Variants in SGCZ observed in about 807,000 individuals in gnomAD.
SGCZ encodes the protein sarcoglycan zeta, also known as zeta-sarcoglycan.
Under a neutral mutation model 41.3 loss-of-function variants are expected in SGCZ, and 40 were observed. The ratio of observed to expected loss-of-function variants is 0.97; its 90% CI spans 0.75 to 1.26. SGCZ has a LOEUF of 1.26. Ranked by LOEUF, SGCZ falls within the 50% of genes most tolerant of loss-of-function variation. The probability of loss-of-function intolerance (pLI) is 0.00; values close to 1 mark genes in which losing one functional copy is unlikely to be tolerated. For missense variants in SGCZ, 552 were observed against 369.8 expected, an observed-to-expected ratio of 1.49 and a Z score of -4.04; for synonymous variants, 206 against 137.5, an observed-to-expected ratio of 1.50 and a Z score of -3.49.
At chr8:14,794,806 C>A (rs1374189982) in intron 1 of SGCZ, among the ~76,000 whole-genome samples, 1 of 152,090 alleles carries the variant, frequency 6.6e-6, no homozygotes, top group Non-Finnish European at 1.5e-5. Flanking sequence ...TGATCATATT[C>A]AAAGAGTCAG....
intron 4 of SGCZ, among the ~76,000 whole-genome samples, chr8:14,236,959 A>G (rs1563203292): frequency 6.6e-6 from 1 of 152,008 alleles, no homozygotes; most frequent in Non-Finnish European, 1.5e-5. Context: ...TATAAATCTT[A>G]AAATATAATT....
intron 4 of SGCZ, among the ~76,000 whole-genome samples, chr8:14,231,920 G>C (rs1806584967): frequency 6.6e-6 from 1 of 151,934 alleles, no homozygotes; most frequent in African/African-American, 2.4e-5. Flanking sequence ...GTAAGATAGA[G>C]ATGCCTTCTT....
intron 2 of SGCZ, among the ~76,000 whole-genome samples, chr8:14,461,274 C>A (rs959910742): frequency 1.3e-5 from 2 of 152,132 alleles, no homozygotes; most frequent in Admixed American, 6.6e-5. Context: ...TCCTCTTCAA[C>A]TGAAATGGCT....
At chr8:14,548,195 A>T (rs1176675142) in intron 2 of SGCZ, among the ~76,000 whole-genome samples, 2 of 152,172 alleles carry the variant, frequency 1.3e-5, no homozygotes, top group African/African-American at 2.4e-5. Context: ...GCACGAGGTA[A>T]TAGAGCTAAT....
chr8:14,529,941 T>A (rs952702659), intron 2 of SGCZ, among the ~76,000 whole-genome samples: 1 of 152,242 alleles, frequency 6.6e-6, no homozygotes, highest in South Asian at 2.1e-4. Flanking sequence ...GGCATTGCAA[T>A]TAAAGAAAAA....
chr8:14,146,978 G>C (rs1803546839), intron 5 of SGCZ, among the ~76,000 whole-genome samples: 1 of 150,784 alleles, frequency 6.6e-6, no homozygotes, highest in Non-Finnish European at 1.5e-5. Context: ...CAAAAATTTA[G>C]TAAGGAGAAA....
intron 1 of SGCZ, among the ~76,000 whole-genome samples, chr8:14,924,578 T>C (rs1010923927): frequency 4.6e-5 from 7 of 152,156 alleles, no homozygotes; most frequent in African/African-American, 1.4e-4. Context: ...CAGAAGCTTA[T>C]CCACATATTT....
At chr8:14,603,064 G>A (rs73517293) in intron 1 of SGCZ, among the ~76,000 whole-genome samples, 1 of 152,126 alleles carries the variant, frequency 6.6e-6, no homozygotes, top group African/African-American at 2.4e-5. Context: ...TCTAGTAGGG[G>A]ACTTGACATA....
chr8:14,523,118 G>A (rs1210874254), intron 2 of SGCZ, among the ~76,000 whole-genome samples: 2 of 151,780 alleles, frequency 1.3e-5, no homozygotes, highest in African/African-American at 4.8e-5. Context: ...TAATGAAATT[G>A]TCTTAAATAT....
intron 1 of SGCZ, among the ~76,000 whole-genome samples, chr8:14,998,410 C>A (rs1220647293): frequency 6.6e-6 from 1 of 152,164 alleles, no homozygotes; most frequent in East Asian, 1.9e-4. Flanking sequence ...TTTATATATA[C>A]ATTTGTTACA....
chr8:14,417,780 T>C (rs1799534942), intron 2 of SGCZ, among the ~76,000 whole-genome samples: 1 of 138,370 alleles, frequency 7.2e-6, no homozygotes, highest in Non-Finnish European at 1.6e-5. Context: ...ATTAATTTGA[T>C]TATGGTAATC....
chr8:15,149,507 C>G (rs1357085944), intron 1 of SGCZ, among the ~76,000 whole-genome samples: 1 of 152,162 alleles, frequency 6.6e-6, no homozygotes, highest in Non-Finnish European at 1.5e-5. Context: ...TTCCTCCAGC[C>G]TCCAAGGCTC....
At position 14,998,979 on chromosome 8, in the gene SGCZ, C is replaced by A. The variant is rs151322039; in HGVS notation, c.39+238606G>T. ...GCAGGAATTTAGCTACTTCTATAAT[C>A]TTGGGTACACTTGGATTTAATATCT... On this transcript the variant is annotated intron_variant, in intron 1 of 7. Transcript: ENST00000382080. Among the ~76,000 whole-genome samples, 737 of 152,274 alleles carry A rather than the reference C, an allele frequency of 4.8e-3. 11 individuals are homozygous for A. The highest frequency in any genetic ancestry group is 0.017 in the African/African-American group (692 of 41,548).
chr8:15,045,001 A>G (rs2219139), intron 1 of SGCZ, among the ~76,000 whole-genome samples: 138,723 of 152,098 alleles, frequency 0.91, 63,290 homozygotes, highest in East Asian at 1. Flanking sequence ...CATGATTGCA[A>G]GATTTATACA....
intron 1 of SGCZ, among the ~76,000 whole-genome samples, chr8:14,605,701 T>C (rs1165649612): frequency 1.7e-4 from 26 of 152,138 alleles, no homozygotes; most frequent in Admixed American, 1.7e-3. Context: ...TCACAGAGAG[T>C]GTTGACTTCA....
intron 1 of SGCZ, among the ~76,000 whole-genome samples, chr8:15,119,617 T>C (rs1807404644): frequency 6.6e-6 from 1 of 152,032 alleles, no homozygotes; most frequent in Admixed American, 6.6e-5. Context: ...GTTTTAAAGT[T>C]AGAGGACAGC....
Position 14,108,041 on chromosome 8 carries a change from T to C in SGCZ, c.620+122A>G, listed in dbSNP as rs1585140841. 3.7e-6 allele frequency: 3 copies of C among 807,480 alleles called. No individual in the cohort carries two copies. In the East Asian group the frequency reaches 8.2e-5, roughly 22 times the overall value. 50.0% of individuals were successfully genotyped at this position (807,480 alleles called of 1,614,324 possible). A position where few individuals can be genotyped will look rare whatever the true frequency, so the allele number is the denominator to read the frequency against. On this transcript the variant is annotated intron_variant, in intron 6 of 7. Transcript: ENST00000382080. The stretch of plus-strand genomic sequence containing the variant: ...TTCTTCCTATCTAATATATTCATTT[T>C]TGTATTTATTTTAAGTATATTGGGA...
intron 5 of SGCZ, among the ~76,000 whole-genome samples, chr8:14,139,999 G>T (rs766148925): frequency 6.6e-6 from 1 of 152,072 alleles, no homozygotes; most frequent in African/African-American, 2.4e-5. Context: ...GATCAAATTT[G>T]CTTTATCCCT....
chr8:14,988,788 G>C lies in SGCZ; in HGVS notation c.39+248797C>G, dbSNP rs144491405. ...GCTATAACTATGCATTTTTTCCTAA[G>C]ATATGTAGAAGAAAAATACCATTGA... On this transcript the variant is annotated intron_variant, in intron 1 of 7. Transcript: ENST00000382080. Among the ~76,000 whole-genome samples the C allele has an allele frequency of 1.6e-4, 25 of 152,154 alleles. No homozygotes were observed. The East Asian group carries it at 4.6e-3, about 28-fold the overall frequency.
Sources: gnomAD v4.1 joint callset for allele counts (sites outside exome capture counted in the v4.1 genomes callset) on GRCh38, gnomAD v4.1.1 for gene constraint, MANE v1.5 for transcripts, NCBI Gene and HGNC (gene_info 2026-07-23, HGNC 2026-07-21) for gene names.